The following SLC9A3 variants were observed in gnomAD, a reference collection of about 807,000 sequenced individuals.
SLC9A3 encodes solute carrier family 9 member A3, also known as sodium/hydrogen exchanger 3.
SLC9A3 carries 37 observed loss-of-function variants against 86.8 expected under a neutral mutation model. That is an observed-to-expected ratio of 0.43 (90% CI 0.33 to 0.56). The LOEUF is 0.56. SLC9A3 is among the 20% of genes least tolerant of loss of function. SLC9A3 has a pLI of 0.06. For synonymous variants in SLC9A3, 581 were observed against 528.3 expected, an observed-to-expected ratio of 1.10 and a Z score of -1.37; for missense variants, 1,011 against 1,171.9, an observed-to-expected ratio of 0.86 and a Z score of 2.00.
chr5:514,546 T>A (rs1046221411), intron 1 of SLC9A3, among the ~76,000 whole-genome samples: 1 of 152,032 alleles, frequency 6.6e-6, no homozygotes, highest in Non-Finnish European at 1.5e-5. Flanking sequence ...ATCCAGTAGG[T>A]GGGGAAGGAG....
Position 476,251 on chromosome 5 carries a change from T to C in SLC9A3, c.2018A>G (p.Gln673Arg). 4 of 1,613,998 alleles carry C rather than the reference T, an allele frequency of 2.5e-6. No homozygotes were observed. The highest frequency in any genetic ancestry group is 3.4e-6 in the Non-Finnish European group (4 of 1,179,986). The stretch of plus-strand genomic sequence containing the variant: ...GTACAGCTTGGCCGCCTTCTTGTTC[T>C]GGTTGAGCCCCAGCTTGGTCGACTT... ...SFKSTKLGLN[Q>R]NKKAAKLYKR... The change falls in exon 13 of 17, where the codon CAG (glutamine) becomes CGG (arginine). Residue 673 changes from glutamine to arginine, a missense_variant. Coordinates refer to ENST00000264938, the MANE Select transcript of SLC9A3 (RefSeq NM_004174.4).
intron 2 of SLC9A3, among the ~76,000 whole-genome samples, chr5:488,929 G>A (rs1429694563): frequency 6.6e-6 from 1 of 152,064 alleles, no homozygotes; most frequent in Non-Finnish European, 1.5e-5. Flanking sequence ...GGGGTGTGGG[G>A]GCAGATTGTG....
rs1256810369 is a variant in SLC9A3 at position 508,410 on chromosome 5, G to A, written c.211+15702C>T. On this transcript the variant is annotated intron_variant, in intron 1 of 16. Coordinates refer to ENST00000264938, the MANE Select transcript of SLC9A3 (RefSeq NM_004174.4). ...GGGAAACTCAGGCCTCAGCGCGCCC[G>A]GGGATGGAGATGCCGCAGGGAGACG... 7.6e-5 allele frequency among the ~76,000 whole-genome samples: 10 copies of A among 131,324 alleles called. 1 individual carries two copies. In the South Asian group the frequency reaches 1.1e-3, roughly 14 times the overall value. The allele number at this position is 131,324 out of a possible 152,430, so 86.2% of individuals were successfully genotyped here.
chr5:476,009 C>G lies in SLC9A3; in HGVS notation c.2140+11G>C. ...CCCAGTCCCAGCGTTCCTGCAGGGC[C>G]CCCAGCGCACCTTTCTCCTTGATGG... On this transcript the variant is annotated intron_variant, in intron 14 of 16. Coordinates refer to ENST00000264938, the MANE Select transcript of SLC9A3 (RefSeq NM_004174.4). 6.2e-7 allele frequency: 1 copy of G among 1,602,822 alleles called. No homozygotes were observed. The highest frequency in any genetic ancestry group is 1.1e-5 in the South Asian group (1 of 89,548).
chr5:484,033 C>T (rs1302033537), intron 5 of SLC9A3, among the ~76,000 whole-genome samples: 1 of 152,234 alleles, frequency 6.6e-6, no homozygotes, highest in Admixed American at 6.5e-5. Context: ...ACACACACCC[C>T]CGGTGTCCAT....
At chr5:486,604 C>T (rs1259329447) in intron 3 of SLC9A3, among the ~76,000 whole-genome samples, 2 of 152,200 alleles carry the variant, frequency 1.3e-5, no homozygotes, top group Admixed American at 6.5e-5. Context: ...TCCCTCCCTT[C>T]ACCTCTGTCA....
intron 3 of SLC9A3, among the ~76,000 whole-genome samples, chr5:485,674 C>T (rs913578839): frequency 2.0e-5 from 3 of 152,236 alleles, no homozygotes; most frequent in Non-Finnish European, 4.4e-5. Context: ...TTATCCACGC[C>T]CTGGGCTCCA....
At chr5:483,895 G>A (rs377046201) in intron 5 of SLC9A3, among the ~76,000 whole-genome samples, 647 of 152,388 alleles carry the variant, frequency 4.2e-3, no homozygotes, top group South Asian at 0.012. Context: ...CGGAGCGGGC[G>A]AGGTGACGGG....
chr5:475,783 CAGAG>C (rs1392869833), intron 14 of SLC9A3, 112 bp from the exon 15 acceptor site: 4 of 725,206 alleles, frequency 5.5e-6, no homozygotes, highest in South Asian at 3.3e-5. Flanking sequence ...TCGGGACCCA[CAGAG>C]AGGAGGGCTA....
intron 1 of SLC9A3, among the ~76,000 whole-genome samples, chr5:518,953 C>T (rs1268362081): frequency 2.0e-5 from 3 of 152,166 alleles, no homozygotes; most frequent in African/African-American, 7.2e-5. Context: ...TGCCCCGATG[C>T]TATCAGCACT....
At chr5:490,110 G>C (rs1739657847) in intron 2 of SLC9A3, among the ~76,000 whole-genome samples, 1 of 103,480 alleles carries the variant, frequency 9.7e-6, no homozygotes, top group Non-Finnish European at 2.1e-5. Context: ...CCCAGGAATG[G>C]GATGGACCTG....
At chr5:500,673 GGTGTGGATGGGGCC>G (rs1158562994) in intron 1 of SLC9A3, among the ~76,000 whole-genome samples, 17 of 115,916 alleles carry the variant, frequency 1.5e-4, no homozygotes, top group African/African-American at 6.8e-4. Flanking sequence ...GGATGGGGCT[GGTGTGGATGGGGCC>G]GTGTGGATGG....
At position 484,708 on chromosome 5, in the gene SLC9A3, G is replaced by A. The variant is rs139270058; in HGVS notation, c.755-11C>T. On this transcript the variant is annotated splice_polypyrimidine_tract_variant and intron_variant, in intron 4 of 16. Coordinates refer to ENST00000264938, the MANE Select transcript of SLC9A3 (RefSeq NM_004174.4). ...CCACGAAGAAGGACACTGGGTAGAG[G>A]ACGCCCTTTGTGGCCGTGCCGGCCT... is the stretch of plus-strand genomic sequence containing the variant. 1.2e-4 allele frequency: 192 copies of A among 1,611,638 alleles called. No individual in the cohort carries two copies. The highest frequency in any genetic ancestry group is 2.9e-4 in the African/African-American group (22 of 75,064).
At position 472,728 on chromosome 5, in the gene SLC9A3, C is replaced by G. The variant is rs934171527; in HGVS notation, c.*651G>C. The G allele has an allele frequency of 6.3e-5, 36 of 572,108 alleles. No individual in the cohort carries two copies. The East Asian group carries it at 1.4e-3, about 22-fold the overall frequency. The allele number at this position is 572,108 out of a possible 1,614,324, so 35.4% of individuals were successfully genotyped here. On this transcript the variant is annotated 3_prime_UTR_variant, in exon 17 of 17. Transcript: ENST00000264938. ...GCCTGGAAACGGCGCTCGGCCCAGG[C>G]CGCTTGCGGGCGCTGGGCCTGCAGC...
chr5:491,653 G>T lies in SLC9A3; in HGVS notation c.514+116C>A. ...GGGCTGCCAGCCACGTTTCTCACCT[G>T]ACACTTACCGCCTGGAGGCCAGGGT... is the stretch of plus-strand genomic sequence containing the variant. On this transcript the variant is annotated intron_variant, in intron 2 of 16. Transcript: ENST00000264938. This position sits in a 1 kb window ranked among gnomAD's most constrained non-coding sequence, Gnocchi z 9.2. 1 of 968,336 alleles carries T rather than the reference G, an allele frequency of 1.0e-6. No individual in the cohort carries two copies. Among genetic ancestry groups the T allele is most frequent in the Non-Finnish European group, 1.5e-6 (1 of 674,116 alleles). The allele number at this position is 968,336 out of a possible 1,614,324, so 60.0% of individuals were successfully genotyped here.
chr5:517,289 C>T (rs1223515343), intron 1 of SLC9A3, among the ~76,000 whole-genome samples: 1 of 151,808 alleles, frequency 6.6e-6, no homozygotes, highest in Non-Finnish European at 1.5e-5. Flanking sequence ...ACTCATCCAC[C>T]TATCCACTCA....
At chr5:512,073 G>C (rs1016132700) in intron 1 of SLC9A3, among the ~76,000 whole-genome samples, 4 of 152,240 alleles carry the variant, frequency 2.6e-5, no homozygotes, top group Admixed American at 2.6e-4. Context: ...TATGGAGACA[G>C]TAGAAAGATC....
At chr5:485,789 C>T (rs1048983350) in intron 3 of SLC9A3, among the ~76,000 whole-genome samples, 1 of 152,256 alleles carries the variant, frequency 6.6e-6, no homozygotes, top group Non-Finnish European at 1.5e-5. Context: ...GTGTCTCTGG[C>T]TCTGGCCAAG....
intron 16 of SLC9A3, among the ~76,000 whole-genome samples, chr5:473,933 C>A (rs1579758114): frequency 6.6e-6 from 1 of 152,240 alleles, no homozygotes. Context: ...AGGATTTGGA[C>A]TCGCGGACTA....
Sources: allele counts gnomAD v4.1 joint callset (sites outside exome capture counted in the v4.1 genomes callset), GRCh38; gene constraint gnomAD v4.1.1; non-coding constraint Gnocchi (gnomAD v3.1); transcripts MANE v1.5; gene names NCBI Gene and HGNC (gene_info 2026-07-23, HGNC 2026-07-21).